The following NAB1 variants were observed in gnomAD, a reference collection of about 807,000 sequenced individuals.
The protein encoded by NAB1 is NGFI-A-binding protein 1.
A neutral mutation model predicts 49.9 loss-of-function variants in NAB1; 25 were observed. The ratio of observed to expected loss-of-function variants is 0.50; its 90% CI spans 0.37 to 0.70. The LOEUF (loss-of-function observed/expected upper bound fraction) is 0.70, where lower values mean the gene tolerates loss of function less well. Among genes scored for constraint, NAB1 ranks in the 30% least tolerant of loss-of-function variants. The pLI is 0.00. For missense variants in NAB1, 489 were observed against 575.9 expected (o/e 0.85, Z 1.54); for synonymous variants, 198 against 215.6 (o/e 0.92, Z 0.71).
chr2:190,659,200 C>G lies in NAB1; in HGVS notation c.24C>G (p.Thr8=), dbSNP rs780982109. Residue 8 remains threonine, a synonymous_variant, in exon 4 of 10, where the codon ACC becomes ACG. Coordinates refer to ENST00000337386, the MANE Select transcript of NAB1 (RefSeq NM_005966.4). This position sits in a 1 kb window ranked among gnomAD's most constrained non-coding sequence, Gnocchi z 6.2. Reference sequence around the variant, plus strand: ...TAATGGCTGCGGCCTTACCCAGGACCCTGGGGGAGTTGCAGCTGTATAGAA... The same window carrying G: ...TAATGGCTGCGGCCTTACCCAGGACGCTGGGGGAGTTGCAGCTGTATAGAA... MAAALPR[T]LGELQLYRIL... is the part of the protein sequence containing the mutation. The G allele has an allele frequency of 6.2e-6, 10 of 1,613,384 alleles. No individual in the cohort carries two copies. Among genetic ancestry groups the G allele is most frequent in the South Asian group, 1.1e-5 (1 of 91,048 alleles).
In NAB1 at chr2:190,690,853, G is replaced by T. The variant is rs935210565; in HGVS notation, c.*520G>T. The stretch of plus-strand genomic sequence containing the variant: ...AGATTGCAATGATTATGGAAAAATA[G>T]AAAGCGAATACTCAGTTTAAGCCAA... On this transcript the variant is annotated 3_prime_UTR_variant, in exon 10 of 10. Transcript: ENST00000337386. 4 of 152,634 alleles carry T rather than the reference G, an allele frequency of 2.6e-5. No individual in the cohort carries two copies. The highest frequency in any genetic ancestry group is 2.0e-4 in the Admixed American group (3 of 15,300). The allele number at this position is 152,634 out of a possible 1,614,324, so 9.5% of individuals were successfully genotyped here. A position where few individuals can be genotyped will look rare whatever the true frequency, so the allele number is the denominator to read the frequency against.
Position 190,663,260 on chromosome 2 carries a change from T to C in NAB1, c.819+3265T>C, listed in dbSNP as rs1694315676. ...ATCTGAGTTTTCAAACTTAGTGGCG[T>C]AAAGTTATTTATAGTTTTTTAAGAC... is the stretch of plus-strand genomic sequence containing the variant. On this transcript the variant is annotated intron_variant, in intron 4 of 9. Coordinates refer to ENST00000337386, the MANE Select transcript of NAB1 (RefSeq NM_005966.4). This position sits in a 1 kb window ranked among gnomAD's most constrained non-coding sequence, Gnocchi z 4.2. 6.6e-6 allele frequency among the ~76,000 whole-genome samples: 1 copy of C among 152,226 alleles called. No homozygotes were observed. The highest frequency in any genetic ancestry group is 1.5e-5 in the Non-Finnish European group (1 of 68,040).
chr2:190,651,881 A>T lies in NAB1; in HGVS notation c.-197+1899A>T, dbSNP rs987129985. On this transcript the variant is annotated intron_variant, in intron 2 of 9. Coordinates refer to ENST00000337386, the MANE Select transcript of NAB1 (RefSeq NM_005966.4). The surrounding 1 kb of genome is among the most constrained non-coding windows in gnomAD (Gnocchi z 4.3). ...CCGTCTATGCATATTTCATTGTGGA[A>T]TTTGCTAAACATATTATAGCATAAA... is the stretch of plus-strand genomic sequence containing the variant. 6.6e-6 allele frequency among the ~76,000 whole-genome samples: 1 copy of T among 152,244 alleles called. No homozygotes were observed. The highest frequency in any genetic ancestry group is 2.4e-5 in the African/African-American group (1 of 41,466).
chr2:190,664,794 A>G (rs151272352), intron 4 of NAB1, among the ~76,000 whole-genome samples: 4 of 151,342 alleles, frequency 2.6e-5, no homozygotes, highest in Non-Finnish European at 4.4e-5. Context: ...CATGTTTTAT[A>G]TATATCTTTT....
intron 4 of NAB1, among the ~76,000 whole-genome samples, chr2:190,661,303 C>T (rs1694213310): frequency 6.6e-6 from 1 of 152,154 alleles, no homozygotes; most frequent in African/African-American, 2.4e-5. Context: ...AGCAGAATTA[C>T]TTAAGTCATA....
Position 190,689,950 on chromosome 2 carries a change from A to G in NAB1, c.1376-295A>G, listed in dbSNP as rs1338846373. 1.2e-5 allele frequency among the ~76,000 whole-genome samples: 1 copy of G among 81,364 alleles called. No individual in the cohort carries two copies. The highest frequency in any genetic ancestry group is 4.9e-5 in the African/African-American group (1 of 20,366). The allele number at this position is 81,364 out of a possible 152,430, so 53.4% of individuals were successfully genotyped here. On this transcript the variant is annotated intron_variant, in intron 9 of 9. Coordinates refer to ENST00000337386, the MANE Select transcript of NAB1 (RefSeq NM_005966.4). This position sits in a 1 kb window ranked among gnomAD's most constrained non-coding sequence, Gnocchi z 4.3. ...GCCACTTTATGTAGATACTATTCCT[A>G]TTTTATAAATGAAGACATTAAGGCT...
At chr2:190,673,339 A>G in intron 6 of NAB1, 187 bp downstream of exon 6, 1 of 617,172 alleles carries the variant, frequency 1.6e-6, no homozygotes, top group Non-Finnish European at 2.8e-6. Flanking sequence ...AATTTGAATT[A>G]GCAGACCAAG....
rs574680742 is a variant in NAB1 at position 190,689,921 on chromosome 2, T to C, written c.1376-324T>C. On this transcript the variant is annotated intron_variant, in intron 9 of 9. Transcript: ENST00000337386. The surrounding 1 kb of genome is among the most constrained non-coding windows in gnomAD (Gnocchi z 4.3). ...TTATGTGCATTTCATTATTTAACTT[T>C]CGTGCCACTTTATGTAGATACTATT... Among the ~76,000 whole-genome samples the C allele has an allele frequency of 4.6e-5, 6 of 130,328 alleles. No homozygotes were observed. The East Asian group carries it at 6.3e-4, about 14-fold the overall frequency. 85.5% of individuals were successfully genotyped at this position (130,328 alleles called of 152,430 possible). A position where few individuals can be genotyped will look rare whatever the true frequency, so the allele number is the denominator to read the frequency against.
At position 190,670,447 on chromosome 2, in the gene NAB1, A is replaced by C; in HGVS notation, c.941A>C (p.Tyr314Ser). The C allele has an allele frequency of 6.2e-7, 1 of 1,613,632 alleles. No homozygotes were observed. Among genetic ancestry groups the C allele is most frequent in the Admixed American group, 1.7e-5 (1 of 59,930 alleles). The stretch of plus-strand genomic sequence containing the variant: ...CGAGAAGTCACCTATAAATATACTT[A>C]CAGAACCACCAAGTAAGTATTTAAC... ...ISREVTYKYT[Y>S]RTTKSKCGER... The change falls in exon 5 of 10, where the codon TAC (tyrosine) becomes TCC (serine). Residue 314 changes from tyrosine to serine, a missense_variant. Physicochemically the swap from Tyr to Ser is moderately radical, Grantham distance 144 (BLOSUM62 -2). Transcript: ENST00000337386. The surrounding 1 kb of genome is among the most constrained non-coding windows in gnomAD (Gnocchi z 5.3).
At position 190,682,784 on chromosome 2, in the gene NAB1, T is replaced by G. The variant is rs961723742; in HGVS notation, c.1006-954T>G. Among the ~76,000 whole-genome samples the G allele has an allele frequency of 1.1e-4, 16 of 152,248 alleles. No individual in the cohort carries two copies. Among genetic ancestry groups the G allele is most frequent in the Non-Finnish European group, 1.3e-4 (9 of 67,996 alleles). On this transcript the variant is annotated intron_variant, in intron 6 of 9. Transcript: ENST00000337386. The surrounding 1 kb of genome is among the most constrained non-coding windows in gnomAD (Gnocchi z 4.1). ...TATCAAAAGTATAGATAAATTGGCA[T>G]AAATTAAGAAAACAAGAATTCTTAG...
chr2:190,686,073 A>C lies in NAB1; in HGVS notation c.1258+435A>C, dbSNP rs1695590452. Among the ~76,000 whole-genome samples, 1 of 152,384 alleles carries C rather than the reference A, an allele frequency of 6.6e-6. No individual in the cohort carries two copies. The highest frequency in any genetic ancestry group is 2.1e-4 in the South Asian group (1 of 4,832). On this transcript the variant is annotated intron_variant, in intron 8 of 9. Coordinates refer to ENST00000337386, the MANE Select transcript of NAB1 (RefSeq NM_005966.4). The surrounding 1 kb of genome is among the most constrained non-coding windows in gnomAD (Gnocchi z 5.5). Reference sequence around the variant, plus strand: ...GACTGCATCTAAAGTGTTATGACAGAGTACAGCTCAGGTTTAGAAAGCCAT... The same window carrying C: ...GACTGCATCTAAAGTGTTATGACAGCGTACAGCTCAGGTTTAGAAAGCCAT...
intron 3 of NAB1, among the ~76,000 whole-genome samples, chr2:190,656,831 C>T (rs1693945782): frequency 6.6e-6 from 1 of 152,010 alleles, no homozygotes; most frequent in South Asian, 2.1e-4. Flanking sequence ...AAGTATTTTT[C>T]CAGATTTCCT....
chr2:190,674,285 CACTG>C lies in NAB1; in HGVS notation c.1005+1141_1005+1144del, dbSNP rs1694966433. ...CTCCATTCTTACTGTGTTCCAGCCG[CACTG>C]ACTGACTTTCTGTTCCTGAACATGC... On this transcript the variant is annotated intron_variant, in intron 6 of 9. Coordinates refer to ENST00000337386, the MANE Select transcript of NAB1 (RefSeq NM_005966.4). This position sits in a 1 kb window ranked among gnomAD's most constrained non-coding sequence, Gnocchi z 5.7. Among the ~76,000 whole-genome samples, 4 of 152,266 alleles carry C rather than the reference CACTG, an allele frequency of 2.6e-5. No individual in the cohort carries two copies. Among genetic ancestry groups the C allele is most frequent in the Admixed American group, 6.5e-5 (1 of 15,284 alleles).
At position 190,691,369 on chromosome 2, in the gene NAB1, A is replaced by C. The variant is rs1224511695; in HGVS notation, c.*1036A>C. ...CATCACAAATGTGGACAATCACTGC[A>C]TCCACATCTGTAGGCATATTTCTAT... On this transcript the variant is annotated 3_prime_UTR_variant, in exon 10 of 10. Transcript: ENST00000337386. The surrounding 1 kb of genome is among the most constrained non-coding windows in gnomAD (Gnocchi z 4.1). The C allele has an allele frequency of 2.0e-5, 3 of 152,240 alleles. No individual in the cohort carries two copies. The highest frequency in any genetic ancestry group is 4.4e-5 in the Non-Finnish European group (3 of 67,974). 9.4% of individuals were successfully genotyped at this position (152,240 alleles called of 1,614,324 possible).
In NAB1 at chr2:190,657,908, C is replaced by G. The variant is rs1359871264; in HGVS notation, c.-19-1250C>G. ...TCTCTGATGCACATATTCTTTTAGC[C>G]TTCTGTTATTTTCTCCATAGAGGGC... On this transcript the variant is annotated intron_variant, in intron 3 of 9. Transcript: ENST00000337386. The surrounding 1 kb of genome is among the most constrained non-coding windows in gnomAD (Gnocchi z 4.4). 6.6e-6 allele frequency among the ~76,000 whole-genome samples: 1 copy of G among 152,146 alleles called. No individual in the cohort carries two copies. The highest frequency in any genetic ancestry group is 1.5e-5 in the Non-Finnish European group (1 of 68,010).
At position 190,691,965 on chromosome 2, in the gene NAB1, A is replaced by G. The variant is rs1410323509; in HGVS notation, c.*1632A>G. 5 of 152,608 alleles carry G rather than the reference A, an allele frequency of 3.3e-5. No homozygotes were observed. Among genetic ancestry groups the G allele is most frequent in the African/African-American group, 1.2e-4 (5 of 41,452 alleles). 9.5% of individuals were successfully genotyped at this position (152,608 alleles called of 1,614,324 possible). On this transcript the variant is annotated 3_prime_UTR_variant, in exon 10 of 10. Coordinates refer to ENST00000337386, the MANE Select transcript of NAB1 (RefSeq NM_005966.4). The surrounding 1 kb of genome is among the most constrained non-coding windows in gnomAD (Gnocchi z 4.1). ...TAGGAAACGCCAGTAAACAACTTTT[A>G]TACTGTTAAAAGGCTTTTTTCCCCT... is the stretch of plus-strand genomic sequence containing the variant.
rs761336109 is a variant in NAB1 at position 190,685,577 on chromosome 2, C to T, written c.1197C>T (p.Tyr399=). Residue 399 remains tyrosine (Y), a synonymous_variant, in exon 8 of 10, where the codon TAC becomes TAT. Coordinates refer to ENST00000337386, the MANE Select transcript of NAB1 (RefSeq NM_005966.4). The surrounding 1 kb of genome is among the most constrained non-coding windows in gnomAD (Gnocchi z 4.5). ...AGAGGAGGTTGTCTGCAGGGCTTTA[C>T]AGGCAGAGCTCAGAAGAGCACAGTC... The part of the protein sequence containing the change: ...HAERRLSAGL[Y]RQSSEEHSPN... 3 of 1,614,114 alleles carry T rather than the reference C, an allele frequency of 1.9e-6. No individual in the cohort carries two copies. Among genetic ancestry groups the T allele is most frequent in the East Asian group, 2.2e-5 (1 of 44,874 alleles).
rs1180223559 is a variant in NAB1, at chr2:190,680,165, A to C, written c.1006-3573A>C. On this transcript the variant is annotated intron_variant, in intron 6 of 9. Transcript: ENST00000337386. The surrounding 1 kb of genome is among the most constrained non-coding windows in gnomAD (Gnocchi z 5.2). ...CTCCTCCGCGTACATTCTCCCCATC[A>C]CATTCACATGTGATGGGCTTTCTGA... is the stretch of plus-strand genomic sequence containing the variant. 2.6e-5 allele frequency among the ~76,000 whole-genome samples: 4 copies of C among 151,992 alleles called. No individual in the cohort carries two copies. Among genetic ancestry groups the C allele is most frequent in the African/African-American group, 9.7e-5 (4 of 41,386 alleles).
intron 4 of NAB1, among the ~76,000 whole-genome samples, chr2:190,664,970 T>C (rs6726273): frequency 0.22 from 33,561 of 151,972 alleles, 3,811 homozygotes; most frequent in Non-Finnish European, 0.25. Context: ...CTGTACAGAT[T>C]TATCATCTGG....
Sources: allele counts gnomAD v4.1 joint callset (sites outside exome capture counted in the v4.1 genomes callset), GRCh38; gene constraint gnomAD v4.1.1; non-coding constraint Gnocchi (gnomAD v3.1); transcripts MANE v1.5; gene names NCBI Gene and HGNC (gene_info 2026-07-23, HGNC 2026-07-21).